Variants in DMD observed in about 807,000 individuals in gnomAD.
DMD encodes the protein dystrophin.
Under a neutral mutation model 330.1 loss-of-function variants are expected in DMD, and 63 were observed. The observed-to-expected ratio is 0.19, with a 90% confidence interval of 0.16 to 0.24. DMD has a LOEUF of 0.24. DMD is among the 10% of genes least tolerant of loss of function. DMD has a pLI of 1.00. For missense variants in DMD, 3,344 were observed against 2,684.1 expected, an observed-to-expected ratio of 1.25 and a Z score of -5.43; for synonymous variants, 1,223 against 959.8, an observed-to-expected ratio of 1.27 and a Z score of -5.07.
chrX:31,338,162 G>A (rs1478518482), intron 61 of DMD, among the ~76,000 whole-genome samples: 3 of 109,191 alleles, frequency 2.7e-5, no homozygotes, highest in African/African-American at 6.7e-5. Flanking sequence ...TAATTCACAC[G>A]GGAAAATAAA....
intron 1 of DMD, among the ~76,000 whole-genome samples, chrX:33,153,234 A>G (rs1173113727): frequency 8.9e-6 from 1 of 112,742 alleles, no homozygotes; most frequent in Non-Finnish European, 1.9e-5. Context: ...AACATGGAGA[A>G]ACCCCGTTTC....
At chrX:31,487,326 T>G (rs1055684742) in intron 57 of DMD, among the ~76,000 whole-genome samples, 1 of 108,885 alleles carries the variant, frequency 9.2e-6, no homozygotes, top group Admixed American at 9.8e-5. Flanking sequence ...TGGTGCGCGA[T>G]CTCGGCTCAC....
chrX:32,889,758 A>G (rs2085013746), intron 2 of DMD, among the ~76,000 whole-genome samples: 1 of 111,048 alleles, frequency 9.0e-6, no homozygotes, highest in Admixed American at 9.6e-5. Context: ...AACCTGTAAG[A>G]ACTAATGATA....
At chrX:31,955,835 T>C (rs1434389663) in intron 45 of DMD, among the ~76,000 whole-genome samples, 1 of 111,952 alleles carries the variant, frequency 8.9e-6, no homozygotes, top group Non-Finnish European at 1.9e-5. Context: ...AAATGGTCCA[T>C]TTGAAGCTAC....
intron 9 of DMD, 117 bp from the exon 10 acceptor site, chrX:32,645,269 T>C: frequency 1.3e-6 from 1 of 784,775 alleles, no homozygotes; most frequent in Non-Finnish European, 1.8e-6. Flanking sequence ...ACTGGCATTA[T>C]CAAACACAGG....
intron 7 of DMD, among the ~76,000 whole-genome samples, chrX:32,794,312 A>G (rs2076030320): frequency 8.9e-6 from 1 of 112,410 alleles, no homozygotes; most frequent in East Asian, 2.8e-4. Context: ...TGGAATGGTC[A>G]GGCGTGGTGG....
chrX:32,799,964 C>T (rs1347268867), intron 7 of DMD, among the ~76,000 whole-genome samples: 4 of 111,334 alleles, frequency 3.6e-5, no homozygotes, highest in Non-Finnish European at 7.5e-5. Flanking sequence ...CAAAGCATAT[C>T]AAATTCTATA....
intron 11 of DMD, among the ~76,000 whole-genome samples, chrX:32,637,503 G>A (rs1161431483): frequency 2.7e-5 from 3 of 111,672 alleles, no homozygotes; most frequent in Admixed American, 9.5e-5. Context: ...CCACGTGTTC[G>A]GGTATCTTTA....
At chrX:32,625,463 G>A (rs1255978147) in intron 11 of DMD, among the ~76,000 whole-genome samples, 4 of 111,668 alleles carry the variant, frequency 3.6e-5, no homozygotes, top group Non-Finnish European at 5.6e-5. Flanking sequence ...ACCAATATCC[G>A]TGAATCCTTA....
At chrX:32,674,700 T>C (rs989790743) in intron 9 of DMD, among the ~76,000 whole-genome samples, 4 of 111,318 alleles carry the variant, frequency 3.6e-5, no homozygotes, top group Non-Finnish European at 7.6e-5. Context: ...GGTAAAGATA[T>C]ATTCTTTACA....
chrX:32,197,118 T>C (rs758640629), intron 44 of DMD, among the ~76,000 whole-genome samples: 15 of 111,278 alleles, frequency 1.3e-4, no homozygotes, highest in Admixed American at 3.8e-4. Flanking sequence ...ATTGCTTATC[T>C]TAATAAGTAT....
chrX:32,866,745 GGGGGGGGGGA>G (rs2082535219), intron 2 of DMD, among the ~76,000 whole-genome samples: 1 of 78,671 alleles, frequency 1.3e-5, no homozygotes, highest in African/African-American at 4.8e-5. Flanking sequence ...GGGGGGGTGG[GGGGGGGGGGA>G]CAGAGTTTCA....
intron 55 of DMD, among the ~76,000 whole-genome samples, chrX:31,589,110 A>T (rs2076751727): frequency 9.1e-6 from 1 of 109,953 alleles, no homozygotes; most frequent in Admixed American, 9.8e-5. Flanking sequence ...AAAAAAAAAA[A>T]AATCTGACCC....
chrX:32,444,513 T>C (rs945980839), intron 27 of DMD, among the ~76,000 whole-genome samples: 3 of 111,271 alleles, frequency 2.7e-5, no homozygotes, highest in Non-Finnish European at 3.8e-5. Flanking sequence ...GTAGAATCCA[T>C]ACCTTATGAC....
intron 1 of DMD, among the ~76,000 whole-genome samples, chrX:33,153,946 G>A (rs2048386531): frequency 8.9e-6 from 1 of 112,303 alleles, no homozygotes; most frequent in Non-Finnish European, 1.9e-5. Flanking sequence ...TTGCCATACT[G>A]CTCCTTCTGG....
chrX:32,985,695 T>G (rs778712879), intron 2 of DMD, among the ~76,000 whole-genome samples: 1 of 112,223 alleles, frequency 8.9e-6, no homozygotes, highest in South Asian at 3.7e-4. Flanking sequence ...GAGGCGAGTT[T>G]CAGCCAGTTG....
At chrX:31,295,614 C>T (rs1474466823) in intron 62 of DMD, among the ~76,000 whole-genome samples, 2 of 111,454 alleles carry the variant, frequency 1.8e-5, no homozygotes, top group Non-Finnish European at 3.8e-5. Context: ...GGGGTTTCAC[C>T]ATGTTGGTCA....
intron 55 of DMD, among the ~76,000 whole-genome samples, chrX:31,522,357 C>CTATATATATATATA (rs1205735701): frequency 2.9e-4 from 17 of 57,668 alleles, no homozygotes; most frequent in Non-Finnish European, 4.1e-4. Flanking sequence ...CTCTCTCTCT[C>CTATATATATATATA]TCTCTCTATA....
At chrX:31,277,615 G>A (rs1293053841) in intron 62 of DMD, among the ~76,000 whole-genome samples, 9 of 110,845 alleles carry the variant, frequency 8.1e-5, no homozygotes, top group Admixed American at 6.7e-4. Context: ...AGTGCCCCTC[G>A]ACATAAGCCA....
Sources: allele counts gnomAD v4.1 joint callset (sites outside exome capture counted in the v4.1 genomes callset), GRCh38; gene constraint gnomAD v4.1.1; transcripts MANE v1.5; gene names NCBI Gene and HGNC (gene_info 2026-07-23, HGNC 2026-07-21).